PSG1: variants seen among roughly 807,000 people sequenced by gnomAD.
PSG1 encodes the protein pregnancy-specific beta-1-glycoprotein 1.
In PSG1, 60 loss-of-function variants were observed where a neutral mutation model predicts 41.4. That is an observed-to-expected ratio of 1.45 (90% CI 1.18 to 1.80). The LOEUF (loss-of-function observed/expected upper bound fraction) is 1.80, where lower values mean the gene tolerates loss of function less well. PSG1 is among the 40% of genes most tolerant of loss of function. The probability of loss-of-function intolerance (pLI) is 0.00; values close to 1 mark genes in which losing one functional copy is unlikely to be tolerated. For missense variants in PSG1, 806 were observed against 516.9 expected (o/e 1.56, Z -5.42); for synonymous variants, 256 against 192.9 (o/e 1.33, Z -2.71).
Position 42,868,881 on chromosome 19 carries a change from C to T in PSG1, c.863G>A (p.Arg288Gln), listed in dbSNP as rs148212160. The change falls in exon 4 of 6, where the codon CGA (arginine) becomes CAA (glutamine). Residue 288 changes from arginine to glutamine, a missense_variant. By Grantham distance (43) the Arg-to-Gln change is conservative. Transcript: ENST00000436291. ...AATGAGGATCCTGTTTTCAATGGGT[C>T]GCTTTACCCTGGGACTGACCGGGAG... ...QSLPVSPRVKRPIENRILILP... is the reference protein window; with the variant it reads ...QSLPVSPRVKQPIENRILILP... The T allele has an allele frequency of 6.1e-3, 9,762 of 1,610,756 alleles. 302 individuals are homozygous for T. Among genetic ancestry groups the T allele is most frequent in the Middle Eastern group, 0.026 (127 of 4,796 alleles).
Position 42,866,953 on chromosome 19 carries a change from C to G in PSG1, c.*181G>C, listed in dbSNP as rs368624029. The G allele has an allele frequency of 3.5e-5, 26 of 747,306 alleles. 1 individual carries two copies. The highest frequency in any genetic ancestry group is 2.0e-4 in the African/African-American group (12 of 58,556). 46.3% of individuals were successfully genotyped at this position (747,306 alleles called of 1,614,324 possible). ...TTGTCCTGGTTTACAGTTTGAGCAT[C>G]TGTTGTTATGGTGTCGAATATTTTG... On this transcript the variant is annotated 3_prime_UTR_variant, in exon 6 of 6. Coordinates refer to ENST00000436291, the MANE Select transcript of PSG1 (RefSeq NM_001184825.2).
intron 3 of PSG1, 86 bp from the exon 4 acceptor site, chr19:42,869,120 A>G: frequency 6.4e-7 from 1 of 1,570,282 alleles, no homozygotes; most frequent in Non-Finnish European, 8.6e-7. Context: ...GGCATCTCCC[A>G]CCTCTCATTC....
At chr19:42,871,733 C>T (rs778408825) in intron 3 of PSG1, 34 bp downstream of exon 3, 2 of 1,612,562 alleles carry the variant, frequency 1.2e-6, no homozygotes, top group Admixed American at 1.7e-5. Context: ...TTTGGGATGG[C>T]AGCCTGGCTC....
intron 3 of PSG1, chr19:42,869,511 A>C (rs1312360276): frequency 1.1e-4 from 20 of 177,222 alleles, no homozygotes; most frequent in Non-Finnish European, 3.7e-5. Context: ...TGCAACCCTG[A>C]AGATACTGAG....
At chr19:42,879,333 C>T (rs1327638842) in intron 1 of PSG1, among the ~76,000 whole-genome samples, 185 bp downstream of exon 1, 4 of 151,250 alleles carry the variant, frequency 2.6e-5, no homozygotes, top group South Asian at 2.1e-4. Context: ...TTTGTATTTT[C>T]AGTACAGACA....
chr19:42,876,403 G>C lies in PSG1; in HGVS notation c.430+1510C>G, dbSNP rs146822887. Among the ~76,000 whole-genome samples the C allele has an allele frequency of 2.6e-5, 4 of 151,382 alleles. 1 individual carries two copies. Among genetic ancestry groups the C allele is most frequent in the Non-Finnish European group, 5.9e-5 (4 of 67,826 alleles). ...GGTGGCTTTAGGGGCAAGAGGTAGTGGGGGGATGAAACATGGATGTCAGCC... is the reference window on the plus strand; with the variant it reads ...GGTGGCTTTAGGGGCAAGAGGTAGTCGGGGGATGAAACATGGATGTCAGCC... On this transcript the variant is annotated intron_variant, in intron 2 of 5. Coordinates refer to ENST00000436291, the MANE Select transcript of PSG1 (RefSeq NM_001184825.2).
intron 3 of PSG1, chr19:42,869,810 G>A (rs1971304527): frequency 6.6e-6 from 1 of 151,722 alleles, no homozygotes; most frequent in South Asian, 2.1e-4. Flanking sequence ...GGGCAGGTGA[G>A]GACCATGTGG....
chr19:42,878,124 C>G lies in PSG1; in HGVS notation c.219G>C (p.Arg73Ser). 6.2e-7 allele frequency: 1 copy of G among 1,612,196 alleles called. No homozygotes were observed. Among genetic ancestry groups the G allele is most frequent in the Non-Finnish European group, 8.5e-7 (1 of 1,179,144 alleles). ...TGYIWYKGQM[R>S]DLYHYITSYV... ...ATGATGTAATGTAATGGTAGAGGTC[C>G]CTCATTTGCCCTTTGTACCAGATGT... The change falls in exon 2 of 6, where the codon AGG becomes AGC. Residue 73 changes from arginine (R) to serine (S), a missense_variant. By Grantham distance (110) the Arg-to-Ser change is moderately radical (BLOSUM62 -1). Transcript: ENST00000436291.
In PSG1 at chr19:42,879,538, C is replaced by T; in HGVS notation, c.44G>A (p.Trp15Ter). Residue 15 changes from tryptophan to a stop codon, truncating the protein, a stop_gained, in exon 1 of 6, where the codon TGG becomes TAG. Transcript: ENST00000436291. LOFTEE classifies it high-confidence loss of function. The stretch of plus-strand genomic sequence containing the variant: ...CTCACCTGTGAGCAGGAGCCCCTTC[C>T]ATTTGATGCGCTGTGTGCAGGGAGG... Reference protein sequence around the residue: ...SAPPCTQRIKWKGLLLTASLL... With the variant: ...SAPPCTQRIK 6.2e-7 allele frequency: 1 copy of T among 1,610,722 alleles called. No homozygotes were observed. The highest frequency in any genetic ancestry group is 1.1e-5 in the South Asian group (1 of 90,778).
At chr19:42,871,491 A>T (rs1274340018) in intron 3 of PSG1, among the ~76,000 whole-genome samples, 1 of 151,604 alleles carries the variant, frequency 6.6e-6, no homozygotes, top group Non-Finnish European at 1.5e-5. Context: ...CCAAATCCCC[A>T]CTGTGTTCAC....
In PSG1 at chr19:42,871,908, T is replaced by A. The variant is rs1971405152; in HGVS notation, c.568A>T (p.Thr190Ser). The A allele has an allele frequency of 1.9e-6, 3 of 1,612,198 alleles. No individual in the cohort carries two copies. Among genetic ancestry groups the A allele is most frequent in the Non-Finnish European group, 2.5e-6 (3 of 1,179,128 alleles). Reference protein sequence around the residue: ...WWMNGQSLPMTHSLKLSETNR... With the variant: ...WWMNGQSLPMSHSLKLSETNR... ...GTTTCGGACAGCTTCAAGCTGTGAG[T>A]CATAGGGAGGCTCTGACCATTCATC... The change falls in exon 3 of 6, where the codon ACT becomes TCT. Residue 190 changes from threonine to serine, a missense_variant. Thr to Ser is a moderately conservative substitution (Grantham distance 58). Transcript: ENST00000436291.
chr19:42,874,370 A>G (rs1244040539), intron 2 of PSG1, among the ~76,000 whole-genome samples: 1 of 151,116 alleles, frequency 6.6e-6, no homozygotes, highest in African/African-American at 2.4e-5. Flanking sequence ...TTTCTGAGAC[A>G]GAGTCTCGCT....
At chr19:42,872,083 G>T in intron 2 of PSG1, 38 bp from the exon 3 acceptor site, 1 of 1,586,744 alleles carries the variant, frequency 6.3e-7, no homozygotes, top group Non-Finnish European at 8.6e-7. Flanking sequence ...CGTGTGTGGC[G>T]CCTTTGATTC....
intron 2 of PSG1, among the ~76,000 whole-genome samples, chr19:42,872,897 G>T (rs1273245883): frequency 6.6e-6 from 1 of 151,820 alleles, no homozygotes; most frequent in Non-Finnish European, 1.5e-5. Flanking sequence ...ACTGATGACG[G>T]AAGTCTGGCC....
At chr19:42,878,366 A>C (rs1971711424) in intron 1 of PSG1, 88 bp from the exon 2 acceptor site, 2 of 1,495,454 alleles carry the variant, frequency 1.3e-6, no homozygotes, top group South Asian at 1.3e-5. Context: ...AGGTCTCTTC[A>C]GTCCTCAGCC....
intron 5 of PSG1, chr19:42,867,641 C>G (rs946231553): frequency 5.4e-6 from 4 of 741,060 alleles, no homozygotes; most frequent in Non-Finnish European, 9.8e-6. Context: ...ATAAACATAT[C>G]AATTCTCATG....
At chr19:42,876,094 G>A (rs1971591994) in intron 2 of PSG1, among the ~76,000 whole-genome samples, 1 of 151,448 alleles carries the variant, frequency 6.6e-6, no homozygotes, top group South Asian at 2.1e-4. Flanking sequence ...GTGTTAGTGG[G>A]AAGGGAACTG....
At chr19:42,875,881 G>A (rs1200057782) in intron 2 of PSG1, among the ~76,000 whole-genome samples, 2 of 146,666 alleles carry the variant, frequency 1.4e-5, no homozygotes, top group Non-Finnish European at 3.0e-5. Flanking sequence ...TTATGAGAGT[G>A]GATGGAGGAA....
chr19:42,868,674 G>A lies in PSG1; in HGVS notation c.988+82C>T, dbSNP rs948685268. On this transcript the variant is annotated intron_variant, in intron 4 of 5. Coordinates refer to ENST00000436291, the MANE Select transcript of PSG1 (RefSeq NM_001184825.2). The stretch of plus-strand genomic sequence containing the variant: ...AAGTAAAGGTGTCTATACTTGGACC[G>A]GAGAGAGACTGAGAGGCCTGGCATC... 2.2e-4 allele frequency: 347 copies of A among 1,591,288 alleles called. 7 individuals are homozygous for A. Among genetic ancestry groups the A allele is most frequent in the Admixed American group, 3.6e-4 (21 of 58,840 alleles).
Sources: allele counts gnomAD v4.1 joint callset (sites outside exome capture counted in the v4.1 genomes callset), GRCh38; gene constraint gnomAD v4.1.1; transcripts MANE v1.5; gene names NCBI Gene and HGNC (gene_info 2026-07-23, HGNC 2026-07-21).